The following CFAP54 variants were observed in gnomAD, a reference collection of about 807,000 sequenced individuals.
The protein encoded by CFAP54 is cilia- and flagella-associated protein 54.
A neutral mutation model predicts 370.4 loss-of-function variants in CFAP54; 290 were observed. The ratio of observed to expected loss-of-function variants is 0.78; its 90% CI spans 0.71 to 0.86. CFAP54 has a LOEUF of 0.86. Among genes scored for constraint, CFAP54 ranks in the 40% least tolerant of loss-of-function variants. The pLI is 0.00. For missense variants in CFAP54, 3,399 were observed against 3,528.7 expected, an observed-to-expected ratio of 0.96 and a Z score of 0.93; for synonymous variants, 1,206 against 1,236.5, an observed-to-expected ratio of 0.98 and a Z score of 0.52.
intron 26 of CFAP54, 138 bp from the exon 27 acceptor site, chr12:96,621,452 A>G: frequency 1.9e-6 from 1 of 522,286 alleles, no homozygotes; most frequent in Non-Finnish European, 3.0e-6. Flanking sequence ...AGGTAAACTT[A>G]CGGTTTTTTT....
intron 14 of CFAP54, among the ~76,000 whole-genome samples, chr12:96,543,467 G>T (rs572285366): frequency 6.6e-6 from 1 of 152,300 alleles, no homozygotes; most frequent in South Asian, 2.1e-4. Context: ...GCTGCTAGGA[G>T]ACTGGGGGTA....
At chr12:96,545,395 A>G (rs1955628080) in intron 14 of CFAP54, among the ~76,000 whole-genome samples, 2 of 152,204 alleles carry the variant, frequency 1.3e-5, no homozygotes, top group African/African-American at 2.4e-5. Flanking sequence ...TTAAAGTATA[A>G]TAAATAAAAA....
intron 63 of CFAP54, 143 bp from the exon 64 acceptor site, chr12:96,811,593 G>T: frequency 2.0e-6 from 1 of 497,852 alleles, no homozygotes. Context: ...TTCTCTTTCA[G>T]GTGAATTGAA....
At chr12:96,679,981 A>T (rs1042595206) in intron 40 of CFAP54, among the ~76,000 whole-genome samples, 24 of 152,136 alleles carry the variant, frequency 1.6e-4, no homozygotes, top group African/African-American at 5.6e-4. Context: ...AACTCTCTTG[A>T]GTGTATTAGA....
intron 48 of CFAP54, among the ~76,000 whole-genome samples, chr12:96,716,717 C>T (rs751473196): frequency 1.3e-5 from 2 of 152,306 alleles, no homozygotes; most frequent in South Asian, 2.1e-4. Context: ...CTGACCTTGC[C>T]TAGAAAGCCA....
chr12:96,629,962 T>C (rs532783251), intron 30 of CFAP54, 131 bp from the exon 31 acceptor site: 54 of 426,102 alleles, frequency 1.3e-4, no homozygotes, highest in African/African-American at 1.0e-3. Flanking sequence ...CACAGTCAAA[T>C]TGATGCATAG....
chr12:96,497,999 A>T (rs1954977163), intron 1 of CFAP54, among the ~76,000 whole-genome samples: 1 of 152,198 alleles, frequency 6.6e-6, no homozygotes, highest in Non-Finnish European at 1.5e-5. Context: ...CCTGTGCGAG[A>T]TCCAAGAGCC....
At chr12:96,776,240 T>C (rs886416542) in intron 60 of CFAP54, among the ~76,000 whole-genome samples, 15 of 152,034 alleles carry the variant, frequency 9.9e-5, no homozygotes, top group African/African-American at 3.4e-4. Flanking sequence ...TTGGTTCAAC[T>C]TTAAGCAAAT....
intron 55 of CFAP54, among the ~76,000 whole-genome samples, chr12:96,746,818 C>T (rs1294285097): frequency 6.6e-6 from 1 of 152,152 alleles, no homozygotes; most frequent in Non-Finnish European, 1.5e-5. Flanking sequence ...AAATCCCATT[C>T]CTACCATATC....
At chr12:96,517,979 A>T (rs1376684974) in intron 5 of CFAP54, among the ~76,000 whole-genome samples, 1 of 152,212 alleles carries the variant, frequency 6.6e-6, no homozygotes, top group Non-Finnish European at 1.5e-5. Context: ...AGACATGAGG[A>T]CCAATGCACT....
At chr12:96,578,667 G>A (rs953062853) in intron 20 of CFAP54, among the ~76,000 whole-genome samples, 13 of 152,050 alleles carry the variant, frequency 8.5e-5, no homozygotes, top group Admixed American at 5.9e-4. Context: ...TGTGTATTAC[G>A]TTCATTTAGA....
At chr12:96,561,704 T>TACACACACAC (rs56098924) in intron 17 of CFAP54, among the ~76,000 whole-genome samples, 3 of 125,338 alleles carry the variant, frequency 2.4e-5, no homozygotes, top group African/African-American at 9.0e-5. Flanking sequence ...AGCTAAGAAA[T>TACACACACAC]ACACACACAC....
At chr12:96,867,232 T>C (rs1960028740) in intron 67 of CFAP54, among the ~76,000 whole-genome samples, 1 of 152,196 alleles carries the variant, frequency 6.6e-6, no homozygotes, top group Non-Finnish European at 1.5e-5. Flanking sequence ...TTGATAGATC[T>C]TATTCATTAG....
intron 20 of CFAP54, among the ~76,000 whole-genome samples, chr12:96,579,807 T>G (rs1482871917): frequency 6.6e-6 from 1 of 152,144 alleles, no homozygotes; most frequent in Non-Finnish European, 1.5e-5. Flanking sequence ...GTCTAACTAT[T>G]TAATCAAGGT....
intron 22 of CFAP54, 52 bp downstream of exon 22, chr12:96,581,157 C>G: frequency 8.0e-7 from 1 of 1,245,680 alleles, no homozygotes. Context: ...TTCCATTAAG[C>G]AGTTATGAAG....
In CFAP54 at chr12:96,743,760, A is replaced by G. The variant is rs761336767; in HGVS notation, c.7407A>G (p.Glu2469=). ...QDIIHLLEGN[E]FISPQSRLTL... The stretch of plus-strand genomic sequence containing the variant: ...TAATACATTTGCTGGAAGGAAATGA[A>G]TTTATTTCTCCTCAATCACGGCTAA... Residue 2469 remains glutamate, a synonymous_variant, in exon 54 of 68, where the codon GAA becomes GAG. Coordinates refer to ENST00000524981, the MANE Select transcript of CFAP54 (RefSeq NM_001306084.2). 2.5e-6 allele frequency: 4 copies of G among 1,610,422 alleles called. No individual in the cohort carries two copies. In the South Asian group the frequency reaches 4.4e-5, roughly 18 times the overall value.
chr12:96,735,726 A>C (rs555175543), intron 50 of CFAP54, among the ~76,000 whole-genome samples: 3 of 152,362 alleles, frequency 2.0e-5, no homozygotes, highest in African/African-American at 7.2e-5. Flanking sequence ...GAAATTCTTC[A>C]TCCTATATGT....
Position 96,645,430 on chromosome 12 carries a change from C to G in CFAP54, c.4547+1022C>G, listed in dbSNP as rs543023596. On this transcript the variant is annotated intron_variant, in intron 33 of 67. Transcript: ENST00000524981. ...CCTCTTCAAGGAGAACTACAAACCA[C>G]TGCTCAATGAAATAAAAGAGGATAC... The G allele has an allele frequency of 2.2e-3, 500 of 224,216 alleles. 2 individuals are homozygous for G. The highest frequency in any genetic ancestry group is 0.01 in the African/African-American group (454 of 44,202). The allele number at this position is 224,216 out of a possible 1,614,324, so 13.9% of individuals were successfully genotyped here. A position where few individuals can be genotyped will look rare whatever the true frequency, so the allele number is the denominator to read the frequency against.
Position 96,594,380 on chromosome 12 carries a change from G to A in CFAP54, c.3450G>A (p.Val1150=). Residue 1150 remains valine, a synonymous_variant, in exon 25 of 68, where the codon GTG becomes GTA. Coordinates refer to ENST00000524981, the MANE Select transcript of CFAP54 (RefSeq NM_001306084.2). ...LNDSSYALQA[V]TQCYGLLAPI... is the part of the protein sequence containing the mutation. ...ATTCCAGCTATGCCCTTCAAGCTGT[G>A]ACTCAATGTTATGGACTTCTTGCTC... 1 of 1,534,566 alleles carries A rather than the reference G, an allele frequency of 6.5e-7. No individual in the cohort carries two copies. Among genetic ancestry groups the A allele is most frequent in the Non-Finnish European group, 8.7e-7 (1 of 1,145,750 alleles).
Sources: allele counts gnomAD v4.1 joint callset (sites outside exome capture counted in the v4.1 genomes callset), GRCh38; gene constraint gnomAD v4.1.1; transcripts MANE v1.5; gene names NCBI Gene and HGNC (gene_info 2026-07-23, HGNC 2026-07-21).